Variants in BMPR1A observed in about 807,000 individuals in gnomAD.
The protein encoded by BMPR1A is bone morphogenetic protein receptor type 1A, also known as bone morphogenetic protein receptor type-1A.
A neutral mutation model predicts 66.0 loss-of-function variants in BMPR1A; 7 were observed. The observed-to-expected ratio is 0.11, with a 90% CI of 0.06 to 0.20. The LOEUF is 0.20. Among genes scored for constraint, BMPR1A ranks in the 10% least tolerant of loss-of-function variants. The pLI is 1.00. For synonymous variants in BMPR1A, 200 were observed against 229.7 expected (o/e 0.87, Z 1.17); for missense variants, 408 against 669.1 (o/e 0.61, Z 4.31).
intron 2 of BMPR1A, among the ~76,000 whole-genome samples, chr10:86,842,558 G>A (rs1193107852): frequency 6.6e-6 from 1 of 152,052 alleles, no homozygotes; most frequent in Non-Finnish European, 1.5e-5. Context: ...ACTTTATTTT[G>A]TGAAAAATGG....
At chr10:86,883,549 C>CAAAAAAAAAAAAA (rs71019436) in intron 3 of BMPR1A, among the ~76,000 whole-genome samples, 1 of 45,412 alleles carries the variant, frequency 2.2e-5, no homozygotes, top group African/African-American at 7.1e-5. Flanking sequence ...GACTCCGTCT[C>CAAAAAAAAAAAAA]AAAAAAAAAA....
Position 86,822,653 on chromosome 10 carries a change from T to A in BMPR1A, c.-267-16212T>A, listed in dbSNP as rs573981984. On this transcript the variant is annotated intron_variant, in intron 1 of 12. Coordinates refer to ENST00000372037, the MANE Select transcript of BMPR1A (RefSeq NM_004329.3). ...TTTTATTTTTATTTTTATTTTTATT[T>A]TGAGGCAGAGTCTTACTCTGTCACC... is the stretch of plus-strand genomic sequence containing the variant. Among the ~76,000 whole-genome samples the A allele has an allele frequency of 1.2e-3, 186 of 152,252 alleles. 1 individual carries two copies. The highest frequency in any genetic ancestry group is 3.4e-3 in the Middle Eastern group (1 of 294).
At chr10:86,766,617 C>CTTTTTTTT (rs71019427) in intron 1 of BMPR1A, among the ~76,000 whole-genome samples, 11,318 of 130,748 alleles carry the variant, frequency 0.087, 1,545 homozygotes, top group African/African-American at 0.26. Context: ...TCATATCAGT[C>CTTTTTTTT]TTTTTTTTTT....
In BMPR1A at chr10:86,797,231, AT is replaced by A. The variant is rs1236270338; in HGVS notation, c.-268+40329del. On this transcript the variant is annotated intron_variant, in intron 1 of 12. Coordinates refer to ENST00000372037, the MANE Select transcript of BMPR1A (RefSeq NM_004329.3). ...AGGCGCCTGCCACCAAGCCCGGCTA[AT>A]TTTTTTTTTTTTTTTTGAGACGGAG... 2.2e-3 allele frequency among the ~76,000 whole-genome samples: 181 copies of A among 83,778 alleles called. 1 individual carries two copies. Among genetic ancestry groups the A allele is most frequent in the African/African-American group, 3.0e-3 (82 of 27,682 alleles). The allele number at this position is 83,778 out of a possible 152,430, so 55.0% of individuals were successfully genotyped here.
intron 1 of BMPR1A, among the ~76,000 whole-genome samples, chr10:86,802,761 A>T: frequency 6.6e-6 from 1 of 152,076 alleles, no homozygotes; most frequent in Non-Finnish European, 1.5e-5. Context: ...TGAATTTTAG[A>T]TAATTTCTTT....
At chr10:86,895,574 C>T (rs2133429225) in intron 5 of BMPR1A, among the ~76,000 whole-genome samples, 1 of 152,174 alleles carries the variant, frequency 6.6e-6, no homozygotes, top group East Asian at 1.9e-4. Flanking sequence ...GTATAATAGT[C>T]TCCTTCCGTG....
intron 1 of BMPR1A, among the ~76,000 whole-genome samples, chr10:86,802,857 G>A (rs113142397): frequency 0.075 from 11,424 of 151,686 alleles, 524 homozygotes; most frequent in Non-Finnish European, 0.081. Flanking sequence ...GATTGCTTGA[G>A]CCCAGGAGTT....
intron 8 of BMPR1A, among the ~76,000 whole-genome samples, chr10:86,915,211 A>G (rs1843547997): frequency 6.6e-6 from 1 of 152,060 alleles, no homozygotes; most frequent in Non-Finnish European, 1.5e-5. Flanking sequence ...TTTTTTTTTA[A>G]GTAGAGACAG....
intron 1 of BMPR1A, among the ~76,000 whole-genome samples, chr10:86,790,189 AT>A (rs58169812): frequency 0.14 from 1,790 of 13,140 alleles, 425 homozygotes; most frequent in Non-Finnish European, 0.15. Flanking sequence ...AAAAAAAAAA[AT>A]ATATATATAT....
At chr10:86,805,842 C>T (rs997199641) in intron 1 of BMPR1A, among the ~76,000 whole-genome samples, 9 of 150,990 alleles carry the variant, frequency 6.0e-5, no homozygotes, top group African/African-American at 2.2e-4. Flanking sequence ...AACATTGAGG[C>T]GGCACTTTGA....
intron 1 of BMPR1A, among the ~76,000 whole-genome samples, chr10:86,821,550 T>C (rs1056949918): frequency 1.3e-5 from 2 of 152,176 alleles, no homozygotes; most frequent in African/African-American, 2.4e-5. Flanking sequence ...CATTGCTAAG[T>C]TGCTCTCTAG....
intron 5 of BMPR1A, among the ~76,000 whole-genome samples, chr10:86,896,223 G>A (rs368435733): frequency 2.2e-3 from 334 of 151,318 alleles, no homozygotes; most frequent in African/African-American, 7.7e-3. Context: ...GGCAGAGGTT[G>A]TAGTGAGCTG....
At chr10:86,800,410 G>T (rs1291188871) in intron 1 of BMPR1A, among the ~76,000 whole-genome samples, 1 of 151,980 alleles carries the variant, frequency 6.6e-6, no homozygotes, top group African/African-American at 2.4e-5. Context: ...TTTTTGTTTT[G>T]TGAGACGGAG....
intron 1 of BMPR1A, among the ~76,000 whole-genome samples, chr10:86,783,824 C>G (rs946470518): frequency 2.6e-5 from 4 of 152,322 alleles, no homozygotes; most frequent in African/African-American, 9.6e-5. Flanking sequence ...GCTGGAATTA[C>G]AGGTGTGAGC....
rs10713114 is a variant in BMPR1A, at chr10:86,767,767, TC to T, written c.-268+10853del. 0.24 allele frequency among the ~76,000 whole-genome samples: 36,838 copies of T among 151,918 alleles called. 7,745 individuals are homozygous for T. Among genetic ancestry groups the T allele is most frequent in the African/African-American group, 0.57 (23,745 of 41,368 alleles). ...CCCTTGTCTGCCTAAAACTAGATCC[TC>T]CCCCAAAGAACTCAATTGTCATAAC... On this transcript the variant is annotated intron_variant, in intron 1 of 12. Transcript: ENST00000372037.
chr10:86,912,627 C>T (rs1283211546), intron 8 of BMPR1A, among the ~76,000 whole-genome samples: 1 of 152,112 alleles, frequency 6.6e-6, no homozygotes, highest in Non-Finnish European at 1.5e-5. Context: ...CCAAGTCCTA[C>T]AGAGAAAGGC....
At chr10:86,918,667 A>G (rs6586042) in intron 9 of BMPR1A, among the ~76,000 whole-genome samples, 76,963 of 148,430 alleles carry the variant, frequency 0.52, 21,971 homozygotes, top group East Asian at 0.78. Flanking sequence ...TCTGTCGCTC[A>G]GGCTGGAGTG....
intron 8 of BMPR1A, among the ~76,000 whole-genome samples, chr10:86,915,153 A>G (rs1843546749): frequency 6.6e-6 from 1 of 152,142 alleles, no homozygotes; most frequent in African/African-American, 2.4e-5. Flanking sequence ...CAGCCTCCCA[A>G]GTAGCTGGGA....
intron 2 of BMPR1A, among the ~76,000 whole-genome samples, chr10:86,870,403 A>ATTG (rs1483581444): frequency 6.6e-6 from 1 of 152,010 alleles, no homozygotes; most frequent in Non-Finnish European, 1.5e-5. Context: ...CATTTAATCC[A>ATTG]TTGCTAAGTA....
Sources: gnomAD v4.1 joint callset for allele counts (sites outside exome capture counted in the v4.1 genomes callset) on GRCh38, gnomAD v4.1.1 for gene constraint, MANE v1.5 for transcripts, NCBI Gene and HGNC (gene_info 2026-07-23, HGNC 2026-07-21) for gene names.